WDR37: variants seen among roughly 807,000 people sequenced by gnomAD.
The protein encoded by WDR37 is WD repeat domain 37, also known as WD repeat-containing protein 37.
Under a neutral mutation model 62.9 loss-of-function variants are expected in WDR37, and 19 were observed. That is an observed-to-expected ratio of 0.30 (90% CI 0.21 to 0.44). The LOEUF (loss-of-function observed/expected upper bound fraction) is 0.44, where lower values mean the gene tolerates loss of function less well. Ranked by LOEUF, WDR37 falls within the 20% of genes least tolerant of loss-of-function variation. The probability of loss-of-function intolerance (pLI) is 1.00; values close to 1 mark genes in which losing one functional copy is unlikely to be tolerated. For missense variants in WDR37, 474 were observed against 657.6 expected (o/e 0.72, Z 3.05); for synonymous variants, 250 against 260.9 (o/e 0.96, Z 0.40).
intron 7 of WDR37, among the ~76,000 whole-genome samples, chr10:1,092,461 C>A (rs573632472): frequency 3.3e-5 from 5 of 151,682 alleles, no homozygotes; most frequent in African/African-American, 1.2e-4. Context: ...GCTCTGCCCC[C>A]CTGGGTTCAT....
chr10:1,084,492 C>T lies in WDR37; in HGVS notation c.486C>T (p.Val162=), dbSNP rs147076446. ...GCCACCGGGACGGCATCTGGGATGT[C>T]AGCGTGGCCAAGACACAGCCAGTGG... The part of the protein sequence containing the change: ...YIGHRDGIWD[V]SVAKTQPVVL... Residue 162 remains valine, a synonymous_variant, in exon 6 of 14, where the codon GTC becomes GTT. Coordinates refer to ENST00000263150, the MANE Select transcript of WDR37 (RefSeq NM_014023.4). The T allele has an allele frequency of 1.2e-6, 2 of 1,614,072 alleles. No homozygotes were observed. Among genetic ancestry groups the T allele is most frequent in the African/African-American group, 2.7e-5 (2 of 74,930 alleles).
At position 1,105,367 on chromosome 10, in the gene WDR37, TCTA is replaced by T. The variant is rs1834968678; in HGVS notation, c.1103+104_1103+106del. The T allele has an allele frequency of 7.2e-7, 1 of 1,385,134 alleles. No individual in the cohort carries two copies. The highest frequency in any genetic ancestry group is 2.6e-5 in the Admixed American group (1 of 39,132). 85.8% of individuals were successfully genotyped at this position (1,385,134 alleles called of 1,614,324 possible). On this transcript the variant is annotated intron_variant, in intron 11 of 13. Transcript: ENST00000263150. The surrounding 1 kb of genome is among the most constrained non-coding windows in gnomAD (Gnocchi z 5.3). ...AGCCTTAATTTTCAGTATTTCCGACTCTACTATCTTTCAAAAAAATAACTACCT... is the reference window on the plus strand; with the variant it reads ...AGCCTTAATTTTCAGTATTTCCGACTCTATCTTTCAAAAAAATAACTACCT...
chr10:1,081,589 G>A (rs1834030525), intron 5 of WDR37, among the ~76,000 whole-genome samples: 1 of 151,534 alleles, frequency 6.6e-6, no homozygotes, highest in Admixed American at 6.6e-5. Context: ...GAAATTGTTG[G>A]TATTTTCTAC....
At chr10:1,127,917 G>C (rs1421019217) in intron 13 of WDR37, among the ~76,000 whole-genome samples, 1 of 152,366 alleles carries the variant, frequency 6.6e-6, no homozygotes, top group African/African-American at 2.4e-5. Context: ...TGAAAGCCTG[G>C]CTGGCTTTCT....
chr10:1,127,976 T>TA (rs1327467391), intron 13 of WDR37, among the ~76,000 whole-genome samples: 3 of 152,262 alleles, frequency 2.0e-5, no homozygotes, highest in Admixed American at 2.0e-4. Flanking sequence ...AGTTTCACTG[T>TA]GCAGAGCTCT....
At chr10:1,097,969 A>C (rs1374392656) in intron 9 of WDR37, among the ~76,000 whole-genome samples, 7 of 152,068 alleles carry the variant, frequency 4.6e-5, no homozygotes, top group Non-Finnish European at 8.8e-5. Flanking sequence ...TGTTTTGTTG[A>C]GACTTGGGAC....
At chr10:1,095,438 C>T (rs1485217177) in intron 8 of WDR37, among the ~76,000 whole-genome samples, 1 of 152,036 alleles carries the variant, frequency 6.6e-6, no homozygotes, top group Non-Finnish European at 1.5e-5. Flanking sequence ...GAGAGTTAGA[C>T]TGGGATTGGG....
intron 11 of WDR37, among the ~76,000 whole-genome samples, chr10:1,107,440 C>A (rs1255387085): frequency 6.6e-6 from 1 of 152,260 alleles, no homozygotes; most frequent in East Asian, 1.9e-4. Flanking sequence ...AAGCTTTTTG[C>A]TTAGAAAAGT....
intron 13 of WDR37, among the ~76,000 whole-genome samples, chr10:1,126,053 C>T (rs1040493030): frequency 9.9e-5 from 15 of 152,238 alleles, no homozygotes; most frequent in Admixed American, 5.2e-4. Flanking sequence ...ATGTGGGTGG[C>T]GTTTGCTGTT....
In WDR37 at chr10:1,056,707, G is replaced by A. The variant is rs904420886; in HGVS notation, c.-302G>A. On this transcript the variant is annotated 5_prime_UTR_variant, in exon 1 of 14. Transcript: ENST00000263150. ...CTCGGGGCTGCGGGGCGGAAGCCGG[G>A]GCGTGACTTCCGGCGCCGCCGGGTG... is the stretch of plus-strand genomic sequence containing the variant. 2 of 152,330 alleles carry A rather than the reference G, an allele frequency of 1.3e-5. No homozygotes were observed. The highest frequency in any genetic ancestry group is 4.8e-5 in the African/African-American group (2 of 41,462). The allele number at this position is 152,330 out of a possible 1,614,324, so 9.4% of individuals were successfully genotyped here.
chr10:1,101,006 A>C (rs1472767534), intron 9 of WDR37, among the ~76,000 whole-genome samples: 1 of 152,162 alleles, frequency 6.6e-6, no homozygotes, highest in Non-Finnish European at 1.5e-5. Flanking sequence ...CCTGTCACCC[A>C]GTGCTTTAGA....
intron 9 of WDR37, among the ~76,000 whole-genome samples, chr10:1,098,957 G>A (rs1834696486): frequency 6.6e-6 from 1 of 152,106 alleles, no homozygotes; most frequent in Admixed American, 6.5e-5. Flanking sequence ...GTTTCTCACT[G>A]TTTCATCTGT....
chr10:1,119,848 G>T (rs1267590557), intron 11 of WDR37, among the ~76,000 whole-genome samples: 1 of 152,188 alleles, frequency 6.6e-6, no homozygotes, highest in African/African-American at 2.4e-5. Flanking sequence ...CAGTGACTTA[G>T]TTGGGAAATC....
At chr10:1,096,343 C>T (rs1834575110) in intron 9 of WDR37, 97 bp downstream of exon 9, 3 of 1,389,530 alleles carry the variant, frequency 2.2e-6, no homozygotes, top group Non-Finnish European at 3.0e-6. Flanking sequence ...ATGTTTGTGT[C>T]CCCCCAAGTT....
chr10:1,124,393 T>A (rs751563923), intron 12 of WDR37, 41 bp downstream of exon 12: 1 of 1,612,074 alleles, frequency 6.2e-7, no homozygotes, highest in Non-Finnish European at 8.5e-7. Flanking sequence ...CTTAGTTTGA[T>A]GTGAAAGGAT....
rs1289192113 is a variant in WDR37 at position 1,072,248 on chromosome 10, G to C, written c.93G>C (p.Ser31=). Residue 31 remains serine, a synonymous_variant, in exon 2 of 14, where the codon TCG becomes TCC. Transcript: ENST00000263150. ...HSLSIRRTNS[S]EQERTGLPRD... is the part of the protein sequence containing the mutation. ...TTTCTATACGAAGAACTAACAGCTCGGAGCAGGAGAGGACGGGACTGCCAA... is the reference window on the plus strand; with the variant it reads ...TTTCTATACGAAGAACTAACAGCTCCGAGCAGGAGAGGACGGGACTGCCAA... 3.7e-6 allele frequency: 6 copies of C among 1,614,048 alleles called. No individual in the cohort carries two copies. The highest frequency in any genetic ancestry group is 5.1e-6 in the Non-Finnish European group (6 of 1,180,044).
Position 1,124,336 on chromosome 10 carries a change from G to A in WDR37, c.1222G>A (p.Asp408Asn), listed in dbSNP as rs1416658077. ...ATCCCCCATTGCAACTATTCGCACG[G>A]ACTCTGCCATTAACAGGTAAAGTCA... Reference protein sequence around the residue: ...MRSPIATIRTDSAINRINVCV... With the variant: ...MRSPIATIRTNSAINRINVCV... The change falls in exon 12 of 14, where the codon GAC (aspartate) becomes AAC (asparagine). Residue 408 changes from aspartate (D) to asparagine (N), a missense_variant. Asp to Asn is a conservative substitution (Grantham distance 23). Transcript: ENST00000263150. The A allele has an allele frequency of 6.2e-7, 1 of 1,614,194 alleles. No homozygotes were observed. The highest frequency in any genetic ancestry group is 2.2e-5 in the East Asian group (1 of 44,886).
At chr10:1,072,326 G>C (rs777352863) in intron 2 of WDR37, 33 bp downstream of exon 2, 4 of 1,603,948 alleles carry the variant, frequency 2.5e-6, no homozygotes, top group Non-Finnish European at 3.4e-6. Flanking sequence ...CTTATTGATT[G>C]ATTGATTTTT....
chr10:1,113,015 T>TAA lies in WDR37; in HGVS notation c.1103+7750_1103+7751dup, dbSNP rs534742409. ...CAGTGTAGACAAAACAGCCTTCTGT[T>TAA]AAAGAAGATGCCACGTAGAACTTTC... On this transcript the variant is annotated intron_variant, in intron 11 of 13. Transcript: ENST00000263150. Among the ~76,000 whole-genome samples the TAA allele has an allele frequency of 3.9e-5, 6 of 152,334 alleles. No homozygotes were observed. In the South Asian group the frequency reaches 1.2e-3, roughly 32 times the overall value.
Sources: allele counts gnomAD v4.1 joint callset (sites outside exome capture counted in the v4.1 genomes callset), GRCh38; gene constraint gnomAD v4.1.1; non-coding constraint Gnocchi (gnomAD v3.1); transcripts MANE v1.5; gene names NCBI Gene and HGNC (gene_info 2026-07-23, HGNC 2026-07-21).